Variants in SLC12A8 observed in about 807,000 individuals in gnomAD.
SLC12A8 encodes solute carrier family 12 member 8, also known as cation-chloride cotransporter 9.
SLC12A8 carries 69 observed loss-of-function variants against 75.6 expected under a neutral mutation model. That is an observed-to-expected ratio of 0.91 (90% CI 0.75 to 1.11). The LOEUF (loss-of-function observed/expected upper bound fraction) is 1.11. Ranked by LOEUF, SLC12A8 falls within the 50% of genes most tolerant of loss-of-function variation. The pLI, the probability that SLC12A8 is intolerant of heterozygous loss-of-function variation, is 0.00. For missense variants in SLC12A8, 877 were observed against 896.7 expected (o/e 0.98, Z 0.28); for synonymous variants, 365 against 372.8 (o/e 0.98, Z 0.24).
At chr3:125,112,353 A>G (rs1338932416) in intron 8 of SLC12A8, among the ~76,000 whole-genome samples, 1 of 152,166 alleles carries the variant, frequency 6.6e-6, no homozygotes, top group Non-Finnish European at 1.5e-5. Context: ...TTACTACAGG[A>G]AATCAATGTC....
intron 6 of SLC12A8, chr3:125,123,747 G>A (rs2948806): frequency 0.13 from 19,104 of 152,054 alleles, 1,516 homozygotes; most frequent in Admixed American, 0.17. Flanking sequence ...TTCCTCCCAC[G>A]ACACATAGGA....
chr3:125,136,568 T>C (rs1294751723), intron 5 of SLC12A8, among the ~76,000 whole-genome samples: 2 of 152,222 alleles, frequency 1.3e-5, no homozygotes, highest in East Asian at 3.8e-4. Flanking sequence ...AGCCAAGCAC[T>C]GCACTGGTGC....
intron 8 of SLC12A8, among the ~76,000 whole-genome samples, chr3:125,114,075 A>G (rs542085661): frequency 1.3e-5 from 2 of 152,296 alleles, no homozygotes; most frequent in African/African-American, 2.4e-5. Context: ...TCTCATTTCT[A>G]GAGTCATGAG....
intron 8 of SLC12A8, among the ~76,000 whole-genome samples, chr3:125,113,799 C>T (rs1182407809): frequency 6.6e-6 from 1 of 152,158 alleles, no homozygotes. Flanking sequence ...TCAGTAACTA[C>T]TGATGAAAAT....
chr3:125,091,403 T>C (rs750866241), intron 12 of SLC12A8, 36 bp downstream of exon 12: 1 of 1,361,770 alleles, frequency 7.3e-7, no homozygotes, highest in Non-Finnish European at 1.1e-6. Flanking sequence ...GTAGAGAGAA[T>C]GAGGGAACCA....
intron 4 of SLC12A8, among the ~76,000 whole-genome samples, chr3:125,184,398 A>C (rs1259419122): frequency 6.6e-6 from 1 of 152,160 alleles, no homozygotes; most frequent in Non-Finnish European, 1.5e-5. Flanking sequence ...ATAAAGTTTT[A>C]TTGGGACACA....
rs1491148462 is a variant in SLC12A8, at chr3:125,198,268, AAC to A, written c.52-7749_52-7748del. On this transcript the variant is annotated intron_variant, in intron 2 of 13. Coordinates refer to ENST00000469902, the MANE Select transcript of SLC12A8 (RefSeq NM_024628.6). ...AACATGTGTTCTTTAAAAAAAAAAA[AAC>A]AAAACAGTCAAGGTCATAAAAGACA... Among the ~76,000 whole-genome samples, 128 of 148,322 alleles carry A rather than the reference AAC, an allele frequency of 8.6e-4. 1 individual carries two copies. The highest frequency in any genetic ancestry group is 2.3e-3 in the African/African-American group (94 of 41,122).
intron 5 of SLC12A8, among the ~76,000 whole-genome samples, chr3:125,160,606 G>T (rs1039427739): frequency 6.6e-6 from 1 of 152,156 alleles, no homozygotes; most frequent in Non-Finnish European, 1.5e-5. Context: ...TTGCAAATGC[G>T]AGTTTAGATG....
rs201852456 is a variant in SLC12A8, at chr3:125,108,091, G to A, written c.1095C>T (p.Cys365=). The change falls in exon 10 of 14, where the codon TGC becomes TGT. Residue 365 remains cysteine (C), a synonymous_variant. Coordinates refer to ENST00000469902, the MANE Select transcript of SLC12A8 (RefSeq NM_024628.6). ...AGGCCATGGTCACCAAGCTGGTCAGGCAGATGGCAGCCACGGGTGTTTTGT... is the reference window on the plus strand; with the variant it reads ...AGGCCATGGTCACCAAGCTGGTCAGACAGATGGCAGCCACGGGTGTTTTGT... ...GPNKTPVAAI[C]LTSLVTMAFV... The A allele has an allele frequency of 1.6e-4, 256 of 1,614,042 alleles. 1 individual carries two copies. The African/African-American group carries it at 3.2e-3, about 20-fold the overall frequency.
intron 5 of SLC12A8, among the ~76,000 whole-genome samples, chr3:125,172,512 C>T (rs1332330380): frequency 6.6e-6 from 1 of 152,118 alleles, no homozygotes; most frequent in African/African-American, 2.4e-5. Flanking sequence ...CTTCAGATGA[C>T]CACAGACCCT....
chr3:125,133,390 TG>T (rs1211352485), intron 6 of SLC12A8, among the ~76,000 whole-genome samples: 4 of 144,968 alleles, frequency 2.8e-5, no homozygotes, highest in South Asian at 2.3e-4. Context: ...ATTTTTTTTT[TG>T]ATACAGGGTC....
chr3:125,193,931 A>G (rs1259437252), intron 2 of SLC12A8, among the ~76,000 whole-genome samples: 1 of 152,148 alleles, frequency 6.6e-6, no homozygotes, highest in Non-Finnish European at 1.5e-5. Context: ...TCTCTTTAGG[A>G]CCTAGTGTCC....
chr3:125,192,440 A>C (rs1468327287), intron 2 of SLC12A8: 1 of 152,296 alleles, frequency 6.6e-6, no homozygotes, highest in African/African-American at 2.4e-5. Context: ...TTCAGGTTTC[A>C]AATTCTAACA....
intron 2 of SLC12A8, among the ~76,000 whole-genome samples, chr3:125,200,901 C>T (rs1375746182): frequency 6.6e-6 from 1 of 152,182 alleles, no homozygotes; most frequent in Non-Finnish European, 1.5e-5. Context: ...GAGGGTTGCT[C>T]AGCCACCATT....
chr3:125,211,180 T>C (rs368227116), intron 2 of SLC12A8, 119 bp downstream of exon 2: 3 of 838,884 alleles, frequency 3.6e-6, no homozygotes, highest in Admixed American at 1.8e-5. Flanking sequence ...ATGACCAAAA[T>C]AGACTTTGGA....
chr3:125,135,131 C>G (rs1412005752), intron 6 of SLC12A8, among the ~76,000 whole-genome samples: 1 of 152,230 alleles, frequency 6.6e-6, no homozygotes, highest in Non-Finnish European at 1.5e-5. Flanking sequence ...TAAGGAGATT[C>G]ATTCCTCACC....
chr3:125,158,848 T>C (rs1002086207), intron 5 of SLC12A8, among the ~76,000 whole-genome samples: 6 of 152,180 alleles, frequency 3.9e-5, no homozygotes, highest in African/African-American at 1.4e-4. Flanking sequence ...TCAGAAATCA[T>C]ATTGCAGCAA....
chr3:125,085,563 CTATTTT>C (rs1938435198), intron 13 of SLC12A8, among the ~76,000 whole-genome samples: 1 of 152,130 alleles, frequency 6.6e-6, no homozygotes, highest in Non-Finnish European at 1.5e-5. Flanking sequence ...CTACCAATCT[CTATTTT>C]TATTTTTTAT....
chr3:125,154,469 C>T (rs1483327508), intron 5 of SLC12A8, among the ~76,000 whole-genome samples: 2 of 152,138 alleles, frequency 1.3e-5, no homozygotes, highest in African/African-American at 2.4e-5. Context: ...GACAATAACA[C>T]ACAGGGACTC....
Sources: allele counts gnomAD v4.1 joint callset (sites outside exome capture counted in the v4.1 genomes callset), GRCh38; gene constraint gnomAD v4.1.1; transcripts MANE v1.5; gene names NCBI Gene and HGNC (gene_info 2026-07-23, HGNC 2026-07-21).